SEPTIN6: variants seen among roughly 807,000 people sequenced by gnomAD.
SEPTIN6 encodes the protein septin-6.
Under a neutral mutation model 33.6 loss-of-function variants are expected in SEPTIN6, and 8 were observed. The ratio of observed to expected loss-of-function variants is 0.24; its 90% CI spans 0.14 to 0.43. The LOEUF (loss-of-function observed/expected upper bound fraction) is 0.43, where lower values mean the gene tolerates loss of function less well. Ranked by LOEUF, SEPTIN6 falls within the 20% of genes least tolerant of loss-of-function variation. The pLI is 1.00. For synonymous variants in SEPTIN6, 131 were observed against 140.0 expected (o/e 0.94, Z 0.45); for missense variants, 250 against 340.8 (o/e 0.73, Z 2.10).
intron 4 of SEPTIN6, among the ~76,000 whole-genome samples, chrX:119,652,087 T>A (rs1018397661): frequency 4.5e-5 from 5 of 111,370 alleles, no homozygotes; most frequent in Non-Finnish European, 9.4e-5. Context: ...CCATGCCCAG[T>A]TAATTTTTGT....
chrX:119,651,142 A>C (rs778471363), intron 4 of SEPTIN6, among the ~76,000 whole-genome samples: 1 of 111,431 alleles, frequency 9.0e-6, no homozygotes, highest in East Asian at 2.8e-4. Context: ...GGACTCTAAA[A>C]GGGGAGTCTG....
At chrX:119,629,010 T>G in intron 9 of SEPTIN6, 1 of 246,539 alleles carries the variant, frequency 4.1e-6, no homozygotes, top group Non-Finnish European at 7.3e-6. Flanking sequence ...TCTCTCACTC[T>G]CCTTTGCTTT....
chrX:119,637,227 T>G (rs900490832), intron 6 of SEPTIN6, 32 bp from the exon 7 acceptor site: 1 of 1,178,213 alleles, frequency 8.5e-7, no homozygotes, highest in Non-Finnish European at 1.2e-6. Context: ...ATTGAAAGTA[T>G]GTTGAAAGGA....
At chrX:119,641,339 C>T (rs751271009) in intron 5 of SEPTIN6, among the ~76,000 whole-genome samples, 1 of 111,835 alleles carries the variant, frequency 8.9e-6, no homozygotes, top group Non-Finnish European at 1.9e-5. Context: ...GCCTAGAAGG[C>T]AAGTCACCAA....
At position 119,618,165 on chromosome X, in the gene SEPTIN6, ATTTTTTTTTT is replaced by A; in HGVS notation, c.*1918_*1927del. On this transcript the variant is annotated 3_prime_UTR_variant, in exon 11 of 11. Transcript: ENST00000394610. ...AGCTACTGGCTGAGTATCTGAGCAG[ATTTTTTTTTT>A]TTTTTTTTTGGTCGTTGGTTTGTTT... The A allele has an allele frequency of 1.4e-6, 1 of 696,285 alleles. No individual in the cohort carries two copies. Among genetic ancestry groups the A allele is most frequent in the Non-Finnish European group, 1.7e-6 (1 of 592,594 alleles). The allele number at this position is 696,285 out of a possible 1,213,427, so 57.4% of individuals were successfully genotyped here.
intron 9 of SEPTIN6, 107 bp downstream of exon 9, chrX:119,629,211 C>G: frequency 1.3e-6 from 1 of 770,082 alleles, no homozygotes; most frequent in East Asian, 3.2e-5. Flanking sequence ...CAGCCCACAG[C>G]TCACCTCTGG....
intron 1 of SEPTIN6, among the ~76,000 whole-genome samples, chrX:119,682,059 A>C (rs1342637185): frequency 9.0e-6 from 1 of 111,597 alleles, no homozygotes; most frequent in Non-Finnish European, 1.9e-5. Context: ...AAAAAAAAAG[A>C]AAATAGAAGT....
intron 2 of SEPTIN6, among the ~76,000 whole-genome samples, chrX:119,670,363 G>A (rs1255305967): frequency 9.2e-6 from 1 of 109,259 alleles, no homozygotes; most frequent in African/African-American, 3.3e-5. Context: ...TTCGAGACCA[G>A]CCTGGCCAAC....
intron 4 of SEPTIN6, among the ~76,000 whole-genome samples, chrX:119,652,112 C>T (rs976609013): frequency 5.4e-5 from 6 of 111,625 alleles, no homozygotes; most frequent in East Asian, 2.8e-4. Context: ...TTAGTAGAGA[C>T]GGGATTTCGC....
At chrX:119,679,072 C>T (rs1008184609) in intron 1 of SEPTIN6, among the ~76,000 whole-genome samples, 5 of 110,241 alleles carry the variant, frequency 4.5e-5, no homozygotes, top group East Asian at 2.9e-4. Context: ...CTCAGCCTCC[C>T]GAGTAGCTGG....
chrX:119,627,671 G>A (rs2053876299), intron 9 of SEPTIN6, among the ~76,000 whole-genome samples: 1 of 110,588 alleles, frequency 9.0e-6, no homozygotes, highest in Admixed American at 9.7e-5. Flanking sequence ...GGCAGGGTGA[G>A]GGTGGGACTA....
chrX:119,680,203 ATTT>A (rs1341331263), intron 1 of SEPTIN6, among the ~76,000 whole-genome samples: 3 of 82,978 alleles, frequency 3.6e-5, no homozygotes, highest in East Asian at 9.1e-4. Context: ...AATTTTATTT[ATTT>A]ATTTATTTAT....
chrX:119,627,072 C>T (rs2053867470), intron 9 of SEPTIN6, among the ~76,000 whole-genome samples: 1 of 111,814 alleles, frequency 8.9e-6, no homozygotes, highest in African/African-American at 3.3e-5. Flanking sequence ...TACTGTTATG[C>T]AAAAGTTACC....
chrX:119,620,682 G>A (rs755573719), intron 10 of SEPTIN6, among the ~76,000 whole-genome samples: 68 of 106,702 alleles, frequency 6.4e-4, no homozygotes, highest in African/African-American at 2.2e-3. Flanking sequence ...TGCAGTGGCC[G>A]TGATCTTGGC....
intron 6 of SEPTIN6, among the ~76,000 whole-genome samples, chrX:119,637,506 T>C (rs188780865): frequency 8.1e-5 from 9 of 111,159 alleles, no homozygotes; most frequent in Admixed American, 5.7e-4. Context: ...CAACAGCATA[T>C]ATGCATCTGT....
chrX:119,673,841 CAAAAAAAAA>C (rs774954935), intron 2 of SEPTIN6, among the ~76,000 whole-genome samples: 3 of 38,211 alleles, frequency 7.9e-5, no homozygotes, highest in Non-Finnish European at 1.4e-4. Flanking sequence ...GACTCTGTCT[CAAAAAAAAA>C]AAAAAAAAAA....
In SEPTIN6 at chrX:119,617,016, CAAAAAAACAAAAA is replaced by C; in HGVS notation, c.*3064_*3076del. On this transcript the variant is annotated 3_prime_UTR_variant, in exon 11 of 11. Transcript: ENST00000394610. ...ACATGTGAATGCCAAATGATTAAAA[CAAAAAAACAAAAA>C]CAAGAGCCATCTACACTGCAGCTAG... The C allele has an allele frequency of 2.1e-6, 2 of 948,477 alleles. No individual in the cohort carries two copies. Among genetic ancestry groups the C allele is most frequent in the Non-Finnish European group, 2.6e-6 (2 of 759,842 alleles). The allele number at this position is 948,477 out of a possible 1,213,427, so 78.2% of individuals were successfully genotyped here.
At chrX:119,679,597 C>T (rs1449782914) in intron 1 of SEPTIN6, among the ~76,000 whole-genome samples, 2 of 111,644 alleles carry the variant, frequency 1.8e-5, no homozygotes, top group African/African-American at 3.3e-5. Flanking sequence ...CAGTGGCTCA[C>T]GCCTGTAATC....
rs781459136 is a variant in SEPTIN6 at position 119,639,906 on chromosome X, C to A, written c.787+786G>T. Among the ~76,000 whole-genome samples, 17 of 110,351 alleles carry A rather than the reference C, an allele frequency of 1.5e-4. No homozygotes were observed. The East Asian group carries it at 4.8e-3, about 31-fold the overall frequency. The stretch of plus-strand genomic sequence containing the variant: ...GCAATCTCTACCTCCCGGGTTCAAG[C>A]GATTCTCCTGCCTCAGCCTCCTGAG... On this transcript the variant is annotated intron_variant, in intron 6 of 10. Transcript: ENST00000394610.
Sources: gnomAD v4.1 joint callset for allele counts (sites outside exome capture counted in the v4.1 genomes callset) on GRCh38, gnomAD v4.1.1 for gene constraint, MANE v1.5 for transcripts, NCBI Gene and HGNC (gene_info 2026-07-23, HGNC 2026-07-21) for gene names.